The following PHLPP1 variants were observed in gnomAD, a reference collection of about 807,000 sequenced individuals.
PHLPP1 encodes PH domain leucine-rich repeat-containing protein phosphatase 1.
PHLPP1 carries 42 observed loss-of-function variants against 117.2 expected under a neutral mutation model. That is an observed-to-expected ratio of 0.36 (90% confidence interval 0.28 to 0.46). The LOEUF (loss-of-function observed/expected upper bound fraction) is 0.46, where lower values mean the gene tolerates loss of function less well. Among genes scored for constraint, PHLPP1 ranks in the 20% least tolerant of loss-of-function variants. The pLI, the probability that PHLPP1 is intolerant of heterozygous loss-of-function variation, is 1.00. For synonymous variants in PHLPP1, 1,042 were observed against 970.7 expected (o/e 1.07, Z -1.37); for missense variants, 2,084 against 2,241.9 (o/e 0.93, Z 1.42).
rs1368495953 is a variant in PHLPP1, at chr18:62,717,267, A to T, written c.1576+8A>T. 9.0e-6 allele frequency: 14 copies of T among 1,562,078 alleles called. No homozygotes were observed. The highest frequency in any genetic ancestry group is 1.2e-5 in the Non-Finnish European group (14 of 1,150,716). Reference sequence around the variant, plus strand: ...TCATCCGCTTCTATGCAGGTAAGGAAGTCACCTGCCTTGACGGGTGGTTGC... The same window carrying T: ...TCATCCGCTTCTATGCAGGTAAGGATGTCACCTGCCTTGACGGGTGGTTGC... On this transcript the variant is annotated splice_region_variant and intron_variant, in intron 1 of 16. Transcript: ENST00000262719.
At chr18:62,840,764 A>G (rs796973355) in intron 3 of PHLPP1, among the ~76,000 whole-genome samples, 27 of 152,372 alleles carry the variant, frequency 1.8e-4, no homozygotes, top group African/African-American at 6.3e-4. Context: ...CAAAGATAGT[A>G]CAGAGAGTTC....
intron 4 of PHLPP1, among the ~76,000 whole-genome samples, chr18:62,863,640 T>A (rs891888097): frequency 6.6e-6 from 1 of 152,228 alleles, no homozygotes; most frequent in Non-Finnish European, 1.5e-5. Context: ...TTTCTGATAT[T>A]GCCATGGGAT....
At chr18:62,717,507 C>T (rs549434860) in intron 1 of PHLPP1, among the ~76,000 whole-genome samples, 1 of 152,076 alleles carries the variant, frequency 6.6e-6, no homozygotes, top group East Asian at 1.9e-4. Flanking sequence ...GCTGAATCAC[C>T]AGGAAGTACA....
intron 8 of PHLPP1, among the ~76,000 whole-genome samples, chr18:62,913,822 C>T (rs997778866): frequency 3.4e-5 from 5 of 146,432 alleles, no homozygotes; most frequent in East Asian, 4.0e-4. Flanking sequence ...TGGCTCACGG[C>T]AACCTCCGCC....
intron 1 of PHLPP1, among the ~76,000 whole-genome samples, chr18:62,812,220 G>T (rs558189400): frequency 6.6e-6 from 1 of 152,236 alleles, no homozygotes; most frequent in South Asian, 2.1e-4. Flanking sequence ...AGAAACAGTG[G>T]TGTAGATTAT....
intron 4 of PHLPP1, among the ~76,000 whole-genome samples, chr18:62,861,095 T>G (rs1271448970): frequency 6.6e-6 from 1 of 152,130 alleles, no homozygotes; most frequent in Non-Finnish European, 1.5e-5. Context: ...ACATGTTAAA[T>G]AAATAGAACC....
chr18:62,880,881 T>C (rs1285253847), intron 4 of PHLPP1, among the ~76,000 whole-genome samples: 1 of 152,216 alleles, frequency 6.6e-6, no homozygotes, highest in African/African-American at 2.4e-5. Context: ...AGTGGTTCTC[T>C]ATGTAATTTA....
chr18:62,956,824 G>A (rs1344851508), intron 12 of PHLPP1, among the ~76,000 whole-genome samples: 1 of 152,042 alleles, frequency 6.6e-6, no homozygotes, highest in South Asian at 2.1e-4. Context: ...AACATTTTGT[G>A]TGAGAGCATT....
chr18:62,718,890 G>A (rs1910838851), intron 1 of PHLPP1, among the ~76,000 whole-genome samples: 1 of 152,170 alleles, frequency 6.6e-6, no homozygotes, highest in Non-Finnish European at 1.5e-5. Flanking sequence ...GGTTTTGGGT[G>A]TCACAGTTAA....
At chr18:62,821,306 A>G (rs1914447344) in intron 1 of PHLPP1, among the ~76,000 whole-genome samples, 1 of 152,120 alleles carries the variant, frequency 6.6e-6, no homozygotes. Context: ...GCAATAAGCA[A>G]TAACAATGAA....
Position 62,941,934 on chromosome 18 carries a change from A to T in PHLPP1, c.3161+16A>T. The stretch of plus-strand genomic sequence containing the variant: ...TTCCAGCAAGGTAAAGGACAGTTGT[A>T]AAGCTGCGTTCTGAATTGCATTTCT... On this transcript the variant is annotated intron_variant, in intron 11 of 16. Transcript: ENST00000262719. 1 of 1,590,490 alleles carries T rather than the reference A, an allele frequency of 6.3e-7. No homozygotes were observed. The highest frequency in any genetic ancestry group is 1.1e-5 in the South Asian group (1 of 89,866).
chr18:62,961,299 A>T (rs1910760271), intron 13 of PHLPP1, among the ~76,000 whole-genome samples: 1 of 152,222 alleles, frequency 6.6e-6, no homozygotes, highest in Admixed American at 6.5e-5. Context: ...CGTCTCAAAA[A>T]ATAAAAAATA....
At chr18:62,812,439 CT>C (rs1914152621) in intron 1 of PHLPP1, among the ~76,000 whole-genome samples, 2 of 152,136 alleles carry the variant, frequency 1.3e-5, no homozygotes, top group Non-Finnish European at 1.5e-5. Context: ...AGTCATAGTT[CT>C]TATCTAAAGG....
intron 1 of PHLPP1, among the ~76,000 whole-genome samples, chr18:62,809,102 T>A (rs1568124137): frequency 6.6e-6 from 1 of 152,230 alleles, no homozygotes; most frequent in Non-Finnish European, 1.5e-5. Flanking sequence ...TGTGAATTTT[T>A]AAAAATATAT....
chr18:62,759,788 A>AT (rs1912154983), intron 1 of PHLPP1, among the ~76,000 whole-genome samples: 1 of 152,118 alleles, frequency 6.6e-6, no homozygotes, highest in African/African-American at 2.4e-5. Context: ...CTTACCATTT[A>AT]TGTATCATTT....
At chr18:62,951,143 G>C (rs547268947) in intron 12 of PHLPP1, among the ~76,000 whole-genome samples, 1 of 152,016 alleles carries the variant, frequency 6.6e-6, no homozygotes, top group African/African-American at 2.4e-5. Context: ...CACCACGCCC[G>C]GCTATTTTTT....
chr18:62,761,404 G>A (rs997255497), intron 1 of PHLPP1, among the ~76,000 whole-genome samples: 4 of 151,826 alleles, frequency 2.6e-5, no homozygotes, highest in African/African-American at 4.8e-5. Flanking sequence ...AGGCCGAGGC[G>A]GGCAGATCAC....
Position 62,902,986 on chromosome 18 carries a change from A to G in PHLPP1, c.2467A>G (p.Ile823Val). ...DLRLNVIRKL[I>V]ADEVDFLQHV... ...AAGGTTGAACGTAATTAGGAAGCTG[A>G]TAGCAGATGAAGTGGACTTTCTACA... Residue 823 changes from isoleucine to valine, a missense_variant, in exon 7 of 17, where the codon ATA becomes GTA. Around this residue, in one of 2 missense-constraint regions of PHLPP1, gnomAD observed 1,365 missense variants for 1,605.9 expected, o/e 0.85. Transcript: ENST00000262719. 1 of 1,611,974 alleles carries G rather than the reference A, an allele frequency of 6.2e-7. No individual in the cohort carries two copies. The highest frequency in any genetic ancestry group is 1.1e-5 in the South Asian group (1 of 91,064).
intron 1 of PHLPP1, among the ~76,000 whole-genome samples, chr18:62,737,313 G>C (rs1306003441): frequency 2.0e-5 from 3 of 152,164 alleles, no homozygotes; most frequent in Non-Finnish European, 2.9e-5. Flanking sequence ...AAAGTGGTAG[G>C]AGATGAGACT....
Sources: gnomAD v4.1 joint callset for allele counts (sites outside exome capture counted in the v4.1 genomes callset) on GRCh38, gnomAD v4.1.1 for gene constraint, gnomAD v4.1.1 regional missense constraint, MANE v1.5 for transcripts, NCBI Gene and HGNC (gene_info 2026-07-23, HGNC 2026-07-21) for gene names.